Variants in ADCY8 observed in about 807,000 individuals in gnomAD.
The protein encoded by ADCY8 is adenylate cyclase 8, also known as adenylate cyclase type 8.
A neutral mutation model predicts 119.7 loss-of-function variants in ADCY8; 51 were observed. The observed-to-expected ratio is 0.43, with a 90% confidence interval of 0.34 to 0.54. ADCY8 has a LOEUF of 0.54. Ranked by LOEUF, ADCY8 falls within the 20% of genes least tolerant of loss-of-function variation. ADCY8 has a pLI of 0.03. For synonymous variants in ADCY8, 665 were observed against 651.0 expected (o/e 1.02, Z -0.33); for missense variants, 1,383 against 1,598.8 (o/e 0.87, Z 2.30).
At chr8:130,873,508 C>T (rs1318820614) in intron 8 of ADCY8, among the ~76,000 whole-genome samples, 5 of 152,096 alleles carry the variant, frequency 3.3e-5, no homozygotes, top group African/African-American at 7.2e-5. Flanking sequence ...TTAGTAGAGA[C>T]GGGGTTTCTC....
chr8:130,985,272 C>G (rs1426707482), intron 2 of ADCY8, among the ~76,000 whole-genome samples: 1 of 151,990 alleles, frequency 6.6e-6, no homozygotes, highest in Non-Finnish European at 1.5e-5. Flanking sequence ...GAATGAAACT[C>G]TCATGGAGGT....
intron 12 of ADCY8, among the ~76,000 whole-genome samples, chr8:130,832,282 G>C (rs1816857494): frequency 6.6e-6 from 1 of 152,152 alleles, no homozygotes; most frequent in African/African-American, 2.4e-5. Flanking sequence ...AGTTTGACGA[G>C]CAGATTGGGA....
intron 1 of ADCY8, among the ~76,000 whole-genome samples, chr8:131,001,577 T>C (rs1409529485): frequency 1.4e-5 from 2 of 141,148 alleles, no homozygotes; most frequent in Non-Finnish European, 3.2e-5. Flanking sequence ...TTATATATTA[T>C]ATATATCTAA....
chr8:130,799,590 A>G (rs1256539283), intron 15 of ADCY8, among the ~76,000 whole-genome samples: 7 of 152,032 alleles, frequency 4.6e-5, no homozygotes, highest in Non-Finnish European at 5.9e-5. Context: ...CCTTTTGGAG[A>G]ATTTGCTTGG....
chr8:130,979,593 C>CAT (rs200821019), intron 2 of ADCY8, among the ~76,000 whole-genome samples: 1,830 of 152,246 alleles, frequency 0.012, 45 homozygotes, highest in African/African-American at 0.042. Flanking sequence ...GACATCGTAG[C>CAT]ATAATAATTG....
At chr8:130,930,228 G>A (rs977975227) in intron 5 of ADCY8, among the ~76,000 whole-genome samples, 2 of 151,748 alleles carry the variant, frequency 1.3e-5, no homozygotes, top group African/African-American at 4.8e-5. Flanking sequence ...ATTTTCACTA[G>A]TGTTATATTT....
At chr8:130,782,274 G>A (rs901354684) in intron 17 of ADCY8, among the ~76,000 whole-genome samples, 3 of 152,268 alleles carry the variant, frequency 2.0e-5, no homozygotes, top group African/African-American at 7.2e-5. Context: ...ATGATAGTTA[G>A]CTCTTTAAAA....
intron 8 of ADCY8, among the ~76,000 whole-genome samples, chr8:130,883,858 C>T (rs1335849157): frequency 6.6e-6 from 1 of 152,298 alleles, no homozygotes; most frequent in East Asian, 1.9e-4. Flanking sequence ...GTGGTGATAG[C>T]TGCCATCCTT....
At chr8:130,861,912 T>A (rs1817943413) in intron 9 of ADCY8, among the ~76,000 whole-genome samples, 1 of 152,308 alleles carries the variant, frequency 6.6e-6, no homozygotes, top group South Asian at 2.1e-4. Context: ...ATCCAATGCA[T>A]TTATTTGGCA....
At chr8:130,871,168 T>C (rs925754878) in intron 8 of ADCY8, among the ~76,000 whole-genome samples, 1 of 152,226 alleles carries the variant, frequency 6.6e-6, no homozygotes, top group Non-Finnish European at 1.5e-5. Flanking sequence ...GATTGATTAG[T>C]GATTCATTTA....
chr8:130,790,200 CG>C (rs1017496501), intron 15 of ADCY8, among the ~76,000 whole-genome samples: 3 of 152,088 alleles, frequency 2.0e-5, no homozygotes, highest in Non-Finnish European at 4.4e-5. Flanking sequence ...TTAAACTATA[CG>C]GTTCTGTGGT....
intron 2 of ADCY8, among the ~76,000 whole-genome samples, chr8:130,969,996 T>C (rs1436271293): frequency 1.3e-5 from 2 of 152,258 alleles, no homozygotes; most frequent in Non-Finnish European, 2.9e-5. Flanking sequence ...CATTAAATTA[T>C]AACTATAGGG....
chr8:130,939,256 T>C (rs1447619492), intron 4 of ADCY8, among the ~76,000 whole-genome samples: 1 of 152,194 alleles, frequency 6.6e-6, no homozygotes, highest in Non-Finnish European at 1.5e-5. Flanking sequence ...GGTTTTCTTT[T>C]TACCTAAATA....
At chr8:131,008,340 G>A (rs1823189460) in intron 1 of ADCY8, among the ~76,000 whole-genome samples, 1 of 152,138 alleles carries the variant, frequency 6.6e-6, no homozygotes, top group South Asian at 2.1e-4. Context: ...ACCAGATGGA[G>A]GTAATTGAAA....
intron 15 of ADCY8, among the ~76,000 whole-genome samples, chr8:130,788,747 T>G (rs1273690284): frequency 6.6e-6 from 1 of 152,162 alleles, no homozygotes; most frequent in Non-Finnish European, 1.5e-5. Flanking sequence ...TACTCTATAA[T>G]ATGTATAATT....
chr8:130,785,912 C>T (rs950114789), intron 15 of ADCY8, among the ~76,000 whole-genome samples: 1 of 152,240 alleles, frequency 6.6e-6, no homozygotes, highest in Non-Finnish European at 1.5e-5. Context: ...GACCTGAGAA[C>T]AAGCTCAGCC....
intron 13 of ADCY8, among the ~76,000 whole-genome samples, chr8:130,816,420 T>TC: frequency 9.3e-6 from 1 of 107,086 alleles, no homozygotes; most frequent in Non-Finnish European, 2.0e-5. Flanking sequence ...TTAATTAATT[T>TC]TTTTTTCTTT....
chr8:131,005,135 GT>G (rs1216564877), intron 1 of ADCY8, among the ~76,000 whole-genome samples: 1 of 152,098 alleles, frequency 6.6e-6, no homozygotes, highest in African/African-American at 2.4e-5. Flanking sequence ...ATCACCTAAA[GT>G]TACTGAGAGC....
chr8:130,797,225 CT>C (rs142940201), intron 15 of ADCY8, among the ~76,000 whole-genome samples: 8,016 of 151,678 alleles, frequency 0.053, 269 homozygotes, highest in Middle Eastern at 0.18. Flanking sequence ...CATTATGAGA[CT>C]TTTTTTTGCG....
Sources: allele counts gnomAD v4.1 joint callset (sites outside exome capture counted in the v4.1 genomes callset), GRCh38; gene constraint gnomAD v4.1.1; transcripts MANE v1.5; gene names NCBI Gene and HGNC (gene_info 2026-07-23, HGNC 2026-07-21).